Variants in CPA6 observed in about 807,000 individuals in gnomAD.
The protein encoded by CPA6 is carboxypeptidase B.
CPA6 carries 58 observed loss-of-function variants against 63.3 expected under a neutral mutation model. The ratio of observed to expected loss-of-function variants is 0.92; its 90% CI spans 0.74 to 1.14. The LOEUF is 1.14. Among genes scored for constraint, CPA6 ranks in the 50% most tolerant of loss-of-function variants. The pLI, the probability that CPA6 is intolerant of heterozygous loss-of-function variation, is 0.00. For synonymous variants in CPA6, 185 were observed against 179.0 expected (o/e 1.03, Z -0.27); for missense variants, 565 against 526.6 (o/e 1.07, Z -0.71).
chr8:67,688,259 G>GATT (rs1157456437), intron 1 of CPA6, among the ~76,000 whole-genome samples: 6 of 152,186 alleles, frequency 3.9e-5, no homozygotes, highest in African/African-American at 1.4e-4. Flanking sequence ...AGACAAAACA[G>GATT]ATTTAAATAG....
At chr8:67,476,647 T>C (rs1321030550) in intron 8 of CPA6, among the ~76,000 whole-genome samples, 1 of 152,096 alleles carries the variant, frequency 6.6e-6, no homozygotes, top group Non-Finnish European at 1.5e-5. Context: ...TTACACATTG[T>C]TTAACTCTTC....
At chr8:67,601,765 T>A (rs770265669) in intron 2 of CPA6, among the ~76,000 whole-genome samples, 2 of 152,198 alleles carry the variant, frequency 1.3e-5, no homozygotes, top group African/African-American at 2.4e-5. Context: ...GGAATTTTCA[T>A]ACATTTCTGG....
intron 2 of CPA6, among the ~76,000 whole-genome samples, chr8:67,611,689 T>C (rs756089150): frequency 6.6e-6 from 1 of 152,198 alleles, no homozygotes; most frequent in Non-Finnish European, 1.5e-5. Flanking sequence ...AAGGAAATTC[T>C]TTTCCTAGTT....
intron 8 of CPA6, among the ~76,000 whole-genome samples, chr8:67,451,587 C>T (rs1011521066): frequency 1.3e-5 from 2 of 152,136 alleles, no homozygotes; most frequent in Non-Finnish European, 2.9e-5. Flanking sequence ...ATCCTGAAAC[C>T]ATCCCCTCCC....
At chr8:67,560,623 A>C (rs1025696155) in intron 2 of CPA6, among the ~76,000 whole-genome samples, 1 of 152,080 alleles carries the variant, frequency 6.6e-6, no homozygotes, top group Non-Finnish European at 1.5e-5. Flanking sequence ...AAGTGGCTGG[A>C]AAAGGGGGGA....
chr8:67,673,274 T>C (rs1204248670), intron 1 of CPA6, among the ~76,000 whole-genome samples: 1 of 152,032 alleles, frequency 6.6e-6, no homozygotes, highest in African/African-American at 2.4e-5. Flanking sequence ...TTGGATACTA[T>C]GATATACAAT....
chr8:67,530,255 T>G (rs1812451135), intron 2 of CPA6, among the ~76,000 whole-genome samples: 1 of 146,890 alleles, frequency 6.8e-6, no homozygotes, highest in Non-Finnish European at 1.5e-5. Flanking sequence ...CCACATCTGA[T>G]AAATTAAAAA....
intron 8 of CPA6, among the ~76,000 whole-genome samples, chr8:67,446,714 A>G (rs1343462320): frequency 6.6e-6 from 1 of 152,150 alleles, no homozygotes; most frequent in Non-Finnish European, 1.5e-5. Flanking sequence ...ATCACTTTCA[A>G]TGTTTTTCAT....
chr8:67,489,135 A>G (rs1811551278), intron 6 of CPA6, among the ~76,000 whole-genome samples: 1 of 151,692 alleles, frequency 6.6e-6, no homozygotes, highest in African/African-American at 2.4e-5. Context: ...TTGTAGAGAC[A>G]GGGTCTCCCT....
chr8:67,642,766 G>C (rs969951050), intron 1 of CPA6, among the ~76,000 whole-genome samples: 1 of 143,774 alleles, frequency 7.0e-6, no homozygotes, highest in African/African-American at 2.6e-5. Context: ...TATCCATGTG[G>C]GAAAATAATT....
At chr8:67,731,865 G>C (rs1286816978) in intron 1 of CPA6, among the ~76,000 whole-genome samples, 1 of 152,196 alleles carries the variant, frequency 6.6e-6, no homozygotes, top group Non-Finnish European at 1.5e-5. Flanking sequence ...AACTAGAGAG[G>C]ATGTTAGGCT....
chr8:67,642,432 C>G (rs1308770231), intron 1 of CPA6, among the ~76,000 whole-genome samples: 2 of 152,082 alleles, frequency 1.3e-5, no homozygotes, highest in African/African-American at 4.8e-5. Context: ...TCAAATTTAT[C>G]TATAGATTCT....
In CPA6 at chr8:67,639,634, G is replaced by A. The variant is rs183838533; in HGVS notation, c.117-15383C>T. On this transcript the variant is annotated intron_variant, in intron 1 of 10. Coordinates refer to ENST00000297770, the MANE Select transcript of CPA6 (RefSeq NM_020361.5). ...AAAGAGGGTATCACAGCCCTGGCTT[G>A]GGGAGCTTCTAGGTCTGGGCTCCCT... Among the ~76,000 whole-genome samples, 267 of 151,660 alleles carry A rather than the reference G, an allele frequency of 1.8e-3. 9 individuals are homozygous for A. The highest frequency in any genetic ancestry group is 6.3e-3 in the African/African-American group (260 of 40,990).
chr8:67,433,563 A>G (rs1440867319), intron 9 of CPA6, among the ~76,000 whole-genome samples: 1 of 152,254 alleles, frequency 6.6e-6, no homozygotes, highest in African/African-American at 2.4e-5. Flanking sequence ...CTTTTAATTA[A>G]TGAGAATCAA....
intron 1 of CPA6, among the ~76,000 whole-genome samples, chr8:67,739,633 T>C (rs1425967270): frequency 6.6e-6 from 1 of 152,176 alleles, no homozygotes; most frequent in Non-Finnish European, 1.5e-5. Context: ...GGGTGTGCAA[T>C]GCTGAATGAA....
chr8:67,638,860 TGCAAGCC>T, intron 1 of CPA6, among the ~76,000 whole-genome samples: 1 of 151,598 alleles, frequency 6.6e-6, no homozygotes, highest in Admixed American at 6.6e-5. Flanking sequence ...AGTGACTCCA[TGCAAGCC>T]TCTTTTTCAG....
At chr8:67,690,981 G>A (rs986836458) in intron 1 of CPA6, among the ~76,000 whole-genome samples, 2 of 152,100 alleles carry the variant, frequency 1.3e-5, no homozygotes, top group African/African-American at 4.8e-5. Flanking sequence ...AATAAACAAT[G>A]AGTGACTAAC....
At chr8:67,483,576 A>G (rs959817143) in intron 8 of CPA6, 192 bp downstream of exon 8, 1 of 591,810 alleles carries the variant, frequency 1.7e-6, no homozygotes, top group Non-Finnish European at 3.0e-6. Flanking sequence ...CTTGATTTTT[A>G]TATATTAAAA....
rs142790954 is a variant in CPA6 at position 67,539,898 on chromosome 8, G to A, written c.193-21851C>T. 5.1e-3 allele frequency among the ~76,000 whole-genome samples: 770 copies of A among 152,166 alleles called. 11 individuals carry two copies. Among genetic ancestry groups the A allele is most frequent in the African/African-American group, 0.018 (730 of 41,536 alleles). On this transcript the variant is annotated intron_variant, in intron 2 of 10. Coordinates refer to ENST00000297770, the MANE Select transcript of CPA6 (RefSeq NM_020361.5). The stretch of plus-strand genomic sequence containing the variant: ...CTGGTTATTCTAGTTAGCAGTTCCT[G>A]TAACTTTTTATCAAGGTTCTTAGCT...
Sources: allele counts gnomAD v4.1 joint callset (sites outside exome capture counted in the v4.1 genomes callset), GRCh38; gene constraint gnomAD v4.1.1; transcripts MANE v1.5; gene names NCBI Gene and HGNC (gene_info 2026-07-23, HGNC 2026-07-21).